Variants in CNTN1 observed in about 807,000 individuals in gnomAD.
The protein encoded by CNTN1 is contactin-1.
A neutral mutation model predicts 126.4 loss-of-function variants in CNTN1; 38 were observed. The ratio of observed to expected loss-of-function variants is 0.30; its 90% CI spans 0.23 to 0.39. The LOEUF is 0.39. Ranked by LOEUF, CNTN1 falls within the 10% of genes least tolerant of loss-of-function variation. The probability of loss-of-function intolerance (pLI) is 1.00; values close to 1 mark genes in which losing one functional copy is unlikely to be tolerated. For missense variants in CNTN1, 1,009 were observed against 1,248.4 expected (o/e 0.81, Z 2.89); for synonymous variants, 413 against 422.6 (o/e 0.98, Z 0.28).
intron 1 of CNTN1, among the ~76,000 whole-genome samples, chr12:40,698,060 C>T (rs1470419043): frequency 6.6e-6 from 1 of 151,868 alleles, no homozygotes; most frequent in South Asian, 2.1e-4. Flanking sequence ...ACTTTTCCTG[C>T]ACTGTCTTGT....
intron 16 of CNTN1, among the ~76,000 whole-genome samples, chr12:40,992,115 C>A (rs1478738231): frequency 1.3e-5 from 2 of 152,104 alleles, no homozygotes; most frequent in Non-Finnish European, 2.9e-5. Flanking sequence ...AAATATATGT[C>A]AAATCTACAG....
chr12:41,021,703 T>C (rs577405275), intron 20 of CNTN1, among the ~76,000 whole-genome samples: 2 of 150,742 alleles, frequency 1.3e-5, no homozygotes, highest in South Asian at 4.3e-4. Flanking sequence ...TCAGATCATC[T>C]ATGCAAGGGT....
intron 18 of CNTN1, 149 bp from the exon 19 acceptor site, chr12:41,016,533 T>C (rs1191151203): frequency 3.0e-6 from 2 of 660,394 alleles, no homozygotes; most frequent in Non-Finnish European, 5.4e-6. Flanking sequence ...TAAGTATGTT[T>C]TTCCTCTGAC....
intron 23 of CNTN1, among the ~76,000 whole-genome samples, chr12:41,047,851 A>G (rs1949580960): frequency 2.0e-5 from 3 of 151,824 alleles, no homozygotes; most frequent in African/African-American, 7.3e-5. Flanking sequence ...CATAATCTCA[A>G]ACATCCTATC....
At chr12:40,727,189 C>T (rs1344574061) in intron 1 of CNTN1, among the ~76,000 whole-genome samples, 4 of 150,094 alleles carry the variant, frequency 2.7e-5, no homozygotes, top group Admixed American at 2.7e-4. Context: ...AAAGGAAAAA[C>T]AATACAAAAA....
Position 41,029,127 on chromosome 12 carries a change from A to T in CNTN1, c.2888A>T (p.Glu963Val). Residue 963 changes from glutamate to valine, a missense_variant, in exon 23 of 24, where the codon GAA (glutamate) becomes GTA (valine). By Grantham distance (121) the Glu-to-Val change is moderately radical. Coordinates refer to ENST00000551295, the MANE Select transcript of CNTN1 (RefSeq NM_001843.4). ...TATTCAACTCACAAACACTCCATAG[A>T]AGTCCCAATCCCCAGAGATGGAGAA... ...KLYSTHKHSI[E>V]VPIPRDGEYV... 6.2e-7 allele frequency: 1 copy of T among 1,614,094 alleles called. No homozygotes were observed. Among genetic ancestry groups the T allele is most frequent in the Non-Finnish European group, 8.5e-7 (1 of 1,180,004 alleles).
chr12:41,055,480 C>T (rs111596697), intron 23 of CNTN1, among the ~76,000 whole-genome samples: 5,167 of 152,172 alleles, frequency 0.034, 118 homozygotes, highest in Middle Eastern at 0.11. Flanking sequence ...TTGCTCCCCT[C>T]ATATCTTTGG....
intron 23 of CNTN1, among the ~76,000 whole-genome samples, chr12:41,041,947 C>T (rs995353918): frequency 1.7e-4 from 26 of 151,886 alleles, no homozygotes; most frequent in African/African-American, 4.8e-4. Context: ...TTATTTCTTG[C>T]CTTCTGCTAG....
chr12:41,070,074 A>G lies in CNTN1; in HGVS notation c.*39A>G. The G allele has an allele frequency of 6.3e-7, 1 of 1,578,524 alleles. No individual in the cohort carries two copies. Among genetic ancestry groups the G allele is most frequent in the Non-Finnish European group, 8.7e-7 (1 of 1,148,210 alleles). Reference sequence around the variant, plus strand: ...GCTGCTGTTCCCATCCCAGCTCAGAAGACACCCTTCAACCCTGGGATGACC... The same window carrying G: ...GCTGCTGTTCCCATCCCAGCTCAGAGGACACCCTTCAACCCTGGGATGACC... On this transcript the variant is annotated 3_prime_UTR_variant, in exon 24 of 24. Coordinates refer to ENST00000551295, the MANE Select transcript of CNTN1 (RefSeq NM_001843.4).
intron 1 of CNTN1, among the ~76,000 whole-genome samples, chr12:40,732,630 T>C (rs1235605207): frequency 2.0e-5 from 3 of 151,990 alleles, no homozygotes; most frequent in African/African-American, 4.8e-5. Flanking sequence ...CAAAAGAACA[T>C]TGAAATCCAT....
At chr12:40,805,673 G>T (rs1222156068) in intron 1 of CNTN1, among the ~76,000 whole-genome samples, 3 of 151,982 alleles carry the variant, frequency 2.0e-5, no homozygotes, top group Non-Finnish European at 4.4e-5. Flanking sequence ...GTTTGGTTTA[G>T]TTGGTTACTT....
chr12:40,943,854 T>C (rs999823286), intron 13 of CNTN1, 130 bp downstream of exon 13: 6 of 1,389,678 alleles, frequency 4.3e-6, no homozygotes, highest in African/African-American at 2.9e-5. Flanking sequence ...TCTTGCTTGA[T>C]GATATTGTTC....
intron 1 of CNTN1, among the ~76,000 whole-genome samples, chr12:40,698,025 A>T (rs894835187): frequency 1.3e-5 from 2 of 152,054 alleles, no homozygotes; most frequent in South Asian, 4.1e-4. Context: ...CTTGATTTTG[A>T]TGGTGTAGAC....
chr12:40,932,281 GTCTCATGAGA>G (rs923070826), intron 7 of CNTN1, among the ~76,000 whole-genome samples: 1 of 151,928 alleles, frequency 6.6e-6, no homozygotes, highest in Non-Finnish European at 1.5e-5. Flanking sequence ...TAGTGAATAA[GTCTCATGAGA>G]TCTGATGGTT....
intron 1 of CNTN1, among the ~76,000 whole-genome samples, chr12:40,699,882 T>C (rs1941552701): frequency 6.6e-6 from 1 of 152,156 alleles, no homozygotes. Flanking sequence ...GCCCAGAACA[T>C]TTCACTGAGA....
At chr12:41,005,331 A>T (rs1166135159) in intron 17 of CNTN1, among the ~76,000 whole-genome samples, 1 of 151,980 alleles carries the variant, frequency 6.6e-6, no homozygotes, top group Non-Finnish European at 1.5e-5. Flanking sequence ...TTTGTAGTTG[A>T]TCTGACCTTT....
At chr12:40,996,762 T>C (rs557245114) in intron 17 of CNTN1, among the ~76,000 whole-genome samples, 2 of 152,378 alleles carry the variant, frequency 1.3e-5, no homozygotes, top group East Asian at 3.9e-4. Flanking sequence ...AGAATTTCTC[T>C]ACTGTTTTGC....
At chr12:41,001,452 T>G (rs2120597134) in intron 17 of CNTN1, among the ~76,000 whole-genome samples, 1 of 152,270 alleles carries the variant, frequency 6.6e-6, no homozygotes, top group South Asian at 2.1e-4. Context: ...ATGGGGTTGT[T>G]TTTTCTTGTA....
chr12:40,753,223 A>G (rs1281613024), intron 1 of CNTN1, among the ~76,000 whole-genome samples: 1 of 152,070 alleles, frequency 6.6e-6, no homozygotes, highest in Admixed American at 6.6e-5. Flanking sequence ...CTTCCTTTTC[A>G]TCTTCTTCAT....
Sources: gnomAD v4.1 joint callset for allele counts (sites outside exome capture counted in the v4.1 genomes callset) on GRCh38, gnomAD v4.1.1 for gene constraint, MANE v1.5 for transcripts, NCBI Gene and HGNC (gene_info 2026-07-23, HGNC 2026-07-21) for gene names.